MCF2L2: variants seen among roughly 807,000 people sequenced by gnomAD.
MCF2L2 encodes MCF.2 cell line derived transforming sequence-like 2.
Under a neutral mutation model 150.2 loss-of-function variants are expected in MCF2L2, and 102 were observed. The ratio of observed to expected loss-of-function variants is 0.68; its 90% CI spans 0.58 to 0.80. The LOEUF (loss-of-function observed/expected upper bound fraction) is 0.80, where lower values mean the gene tolerates loss of function less well. Among genes scored for constraint, MCF2L2 ranks in the 30% least tolerant of loss-of-function variants. MCF2L2 has a pLI of 0.00. For synonymous variants in MCF2L2, 465 were observed against 491.3 expected (o/e 0.95, Z 0.71); for missense variants, 1,256 against 1,372.8 (o/e 0.91, Z 1.34).
intron 25 of MCF2L2, among the ~76,000 whole-genome samples, chr3:183,198,743 A>G (rs892213741): frequency 3.3e-5 from 5 of 152,146 alleles, no homozygotes; most frequent in Admixed American, 3.3e-4. Context: ...AGCCCTTCAA[A>G]TAATTTGAAT....
At chr3:183,363,255 GCTCTTACCATAACAAAACTACACATA>G (rs1157764852) in intron 3 of MCF2L2, among the ~76,000 whole-genome samples, 1 of 152,134 alleles carries the variant, frequency 6.6e-6, no homozygotes, top group Non-Finnish European at 1.5e-5. Flanking sequence ...AACTACACAT[GCTCTTACCATAACAAAACTACACATA>G]CTCTTACCAT....
chr3:183,348,372 G>A (rs954582728), intron 3 of MCF2L2, among the ~76,000 whole-genome samples: 2 of 149,462 alleles, frequency 1.3e-5, no homozygotes, highest in Non-Finnish European at 3.0e-5. Flanking sequence ...TGGACACAGG[G>A]AGGGGAACAT....
chr3:183,214,191 T>C (rs1401209145), intron 22 of MCF2L2, among the ~76,000 whole-genome samples: 3 of 152,200 alleles, frequency 2.0e-5, no homozygotes. Context: ...AATAGGGATG[T>C]CTAATACGTA....
At chr3:183,404,869 A>G (rs1160362615) in intron 1 of MCF2L2, among the ~76,000 whole-genome samples, 1 of 152,114 alleles carries the variant, frequency 6.6e-6, no homozygotes, top group African/African-American at 2.4e-5. Context: ...TCTCAAAAAC[A>G]GAAAGAAAAA....
intron 3 of MCF2L2, chr3:183,376,756 G>A (rs1167194964): frequency 6.6e-6 from 1 of 152,200 alleles, no homozygotes; most frequent in Non-Finnish European, 1.5e-5. Flanking sequence ...CAAAGAATCA[G>A]TTAGAGTCAG....
chr3:183,255,619 A>G (rs1298155240), intron 15 of MCF2L2, among the ~76,000 whole-genome samples: 2 of 152,192 alleles, frequency 1.3e-5, no homozygotes, highest in Non-Finnish European at 2.9e-5. Context: ...TTCCTGAGAA[A>G]GTGGGAGATG....
At chr3:183,379,152 G>C (rs1713368264) in intron 3 of MCF2L2, 145 bp downstream of exon 3, 1 of 558,690 alleles carries the variant, frequency 1.8e-6, no homozygotes, top group Admixed American at 4.0e-5. Context: ...GCTCGTGACT[G>C]ATGGGTGACA....
chr3:183,217,792 A>C (rs777300215), intron 21 of MCF2L2, among the ~76,000 whole-genome samples: 1 of 152,130 alleles, frequency 6.6e-6, no homozygotes, highest in Non-Finnish European at 1.5e-5. Flanking sequence ...AGCGCTCTGC[A>C]CCTCCCGAAC....
Position 183,383,002 on chromosome 3 carries a change from G to T in MCF2L2, c.161-3591C>A, listed in dbSNP as rs142381496. ...TCCTCTACACAAGGTTTTAACTGGG[G>T]AAATGGCAGAACCATTCCCTGGTAA... On this transcript the variant is annotated intron_variant, in intron 2 of 29. Transcript: ENST00000328913. Among the ~76,000 whole-genome samples the T allele has an allele frequency of 3.4e-3, 522 of 152,154 alleles. 3 individuals are homozygous for T. Among genetic ancestry groups the T allele is most frequent in the African/African-American group, 0.011 (467 of 41,502 alleles).
chr3:183,298,767 A>ATG (rs1231304112), intron 11 of MCF2L2: 3 of 46,150 alleles, frequency 6.5e-5, no homozygotes, highest in African/African-American at 1.1e-4. Context: ...ACACACATGC[A>ATG]CACACACACA....
At chr3:183,248,328 T>C (rs574419370) in intron 15 of MCF2L2, among the ~76,000 whole-genome samples, 2 of 152,230 alleles carry the variant, frequency 1.3e-5, no homozygotes, top group East Asian at 3.9e-4. Context: ...GACTTTAGAA[T>C]TGGCTTTTTA....
chr3:183,270,199 C>T lies in MCF2L2; in HGVS notation c.1862+6673G>A, dbSNP rs764635314. The stretch of plus-strand genomic sequence containing the variant: ...AAAACTCTGTTTGCCTTAGGAACTC[C>T]TAATCCACTGGAGGGAGAAGAACTA... On this transcript the variant is annotated intron_variant, in intron 15 of 29. Transcript: ENST00000328913. The surrounding 1 kb of genome is among the most constrained non-coding windows in gnomAD (Gnocchi z 4.5). 6 of 1,614,148 alleles carry T rather than the reference C, an allele frequency of 3.7e-6. No individual in the cohort carries two copies. The highest frequency in any genetic ancestry group is 5.1e-6 in the Non-Finnish European group (6 of 1,180,008).
chr3:183,334,683 C>T (rs979378077), intron 5 of MCF2L2, among the ~76,000 whole-genome samples: 1 of 151,362 alleles, frequency 6.6e-6, no homozygotes, highest in Non-Finnish European at 1.5e-5. Context: ...ATCCCAGCTA[C>T]TCGGGAGGCT....
At chr3:183,333,284 T>C (rs1730340640) in intron 5 of MCF2L2, among the ~76,000 whole-genome samples, 4 of 152,202 alleles carry the variant, frequency 2.6e-5, no homozygotes, top group Non-Finnish European at 1.5e-5. Flanking sequence ...TGACCCCAGA[T>C]GATCTGCCCA....
At chr3:183,351,234 ATATT>A (rs1187202933) in intron 3 of MCF2L2, among the ~76,000 whole-genome samples, 1,509 of 59,844 alleles carry the variant, frequency 0.025, 37 homozygotes, top group African/African-American at 0.033. Context: ...ATATATATAT[ATATT>A]TATTTATTTA....
intron 15 of MCF2L2, among the ~76,000 whole-genome samples, chr3:183,274,958 T>G (rs144016544): frequency 2.0e-5 from 3 of 151,394 alleles, no homozygotes; most frequent in Admixed American, 2.0e-4. Context: ...TCATTCCCTA[T>G]AGCTTGGTTT....
intron 3 of MCF2L2, among the ~76,000 whole-genome samples, chr3:183,351,330 C>T (rs1246218011): frequency 6.7e-6 from 1 of 149,642 alleles, no homozygotes; most frequent in Non-Finnish European, 1.5e-5. Context: ...GACTACAGGT[C>T]ATATCACTGT....
intron 3 of MCF2L2, among the ~76,000 whole-genome samples, chr3:183,348,671 G>T (rs1167565533): frequency 1.3e-5 from 2 of 152,056 alleles, no homozygotes; most frequent in Non-Finnish European, 2.9e-5. Flanking sequence ...GAAAGAAAAG[G>T]GTAGTAAAAC....
At chr3:183,368,138 C>T (rs1163170467) in intron 3 of MCF2L2, among the ~76,000 whole-genome samples, 2 of 152,200 alleles carry the variant, frequency 1.3e-5, no homozygotes, top group African/African-American at 4.8e-5. Context: ...GTGTGTTCCC[C>T]AGACCAGCAG....
Sources: allele counts gnomAD v4.1 joint callset (sites outside exome capture counted in the v4.1 genomes callset), GRCh38; gene constraint gnomAD v4.1.1; non-coding constraint Gnocchi (gnomAD v3.1); transcripts MANE v1.5; gene names NCBI Gene and HGNC (gene_info 2026-07-23, HGNC 2026-07-21).